Variants in CHST9 observed in about 807,000 individuals in gnomAD.
The protein encoded by CHST9 is GalNAc-4-sulfotransferase 2.
Under a neutral mutation model 44.4 loss-of-function variants are expected in CHST9, and 41 were observed. That is an observed-to-expected ratio of 0.92 (90% CI 0.72 to 1.20). CHST9 has a LOEUF of 1.20. Among genes scored for constraint, CHST9 ranks in the 50% most tolerant of loss-of-function variants. The pLI, the probability that CHST9 is intolerant of heterozygous loss-of-function variation, is 0.00. For missense variants in CHST9, 504 were observed against 516.5 expected, an observed-to-expected ratio of 0.98 and a Z score of 0.23; for synonymous variants, 171 against 178.4, an observed-to-expected ratio of 0.96 and a Z score of 0.33.
chr18:27,011,374 G>A (rs888745920), intron 4 of CHST9, among the ~76,000 whole-genome samples: 7 of 152,152 alleles, frequency 4.6e-5, no homozygotes, highest in Admixed American at 1.3e-4. Context: ...CCAATGCCCT[G>A]AGTGCAGGGC....
intron 3 of CHST9, among the ~76,000 whole-genome samples, chr18:27,030,284 G>A (rs114569265): frequency 6.6e-6 from 1 of 152,104 alleles, no homozygotes; most frequent in African/African-American, 2.4e-5. Context: ...GTTTTTAACC[G>A]ATCTGGTTAT....
At chr18:26,954,954 A>AAT (rs1176644194) in intron 4 of CHST9, among the ~76,000 whole-genome samples, 1 of 152,050 alleles carries the variant, frequency 6.6e-6, no homozygotes, top group African/African-American at 2.4e-5. Context: ...TAGAGTGTTC[A>AAT]ATATATATAT....
intron 5 of CHST9, chr18:26,933,844 A>G (rs968049996): frequency 3.9e-5 from 6 of 153,386 alleles, no homozygotes; most frequent in African/African-American, 1.4e-4. Context: ...TGCAAACACT[A>G]AAACAGTAAT....
chr18:27,004,577 T>G (rs1250617441), intron 4 of CHST9, among the ~76,000 whole-genome samples: 4 of 152,150 alleles, frequency 2.6e-5, no homozygotes, highest in Non-Finnish European at 5.9e-5. Context: ...TGCTACTAAT[T>G]GTTTTATTTC....
intron 4 of CHST9, among the ~76,000 whole-genome samples, chr18:27,019,744 A>G (rs1369652314): frequency 6.6e-6 from 1 of 151,376 alleles, no homozygotes; most frequent in Non-Finnish European, 1.5e-5. Flanking sequence ...ATGCCACTGT[A>G]CACCTTTCCC....
At chr18:27,160,969 T>A (rs1316954310) in intron 1 of CHST9, among the ~76,000 whole-genome samples, 1 of 152,212 alleles carries the variant, frequency 6.6e-6, no homozygotes, top group African/African-American at 2.4e-5. Flanking sequence ...CCCTTTATCA[T>A]TTTTTATTGC....
chr18:27,100,598 G>C (rs8099553), intron 2 of CHST9, among the ~76,000 whole-genome samples: 47,575 of 151,912 alleles, frequency 0.31, 7,802 homozygotes, highest in East Asian at 0.5. Context: ...TGTGTAAAAT[G>C]GTATTCAATT....
rs12606358 is a variant in CHST9 at position 27,166,287 on chromosome 18, T to C, written c.-97+18849A>G. Among the ~76,000 whole-genome samples the C allele has an allele frequency of 3.3e-4, 50 of 152,362 alleles. No homozygotes were observed. The East Asian group carries it at 8.7e-3, about 26-fold the overall frequency. ...CTTCTTAATTTGTCCAAATTTCTTA[T>C]GATCACAAACAGGGCTCTTCCTGAT... is the stretch of plus-strand genomic sequence containing the variant. On this transcript the variant is annotated intron_variant, in intron 1 of 5. Transcript: ENST00000618847.
At chr18:27,132,866 C>T (rs2058483548) in intron 2 of CHST9, among the ~76,000 whole-genome samples, 1 of 152,174 alleles carries the variant, frequency 6.6e-6, no homozygotes, top group Admixed American at 6.5e-5. Context: ...AACTCTGCTC[C>T]TTTCTTCCTG....
chr18:27,155,012 G>A (rs537986507), intron 1 of CHST9, among the ~76,000 whole-genome samples: 12 of 151,474 alleles, frequency 7.9e-5, no homozygotes, highest in African/African-American at 2.9e-4. Flanking sequence ...AGCCTGGGAG[G>A]TGGAGGTTGC....
At chr18:26,965,242 T>G (rs2056449822) in intron 4 of CHST9, among the ~76,000 whole-genome samples, 1 of 152,202 alleles carries the variant, frequency 6.6e-6, no homozygotes, top group African/African-American at 2.4e-5. Context: ...CTGTGCGGCC[T>G]GCAATGTGTT....
At chr18:26,995,949 A>G (rs1325898324) in intron 4 of CHST9, among the ~76,000 whole-genome samples, 1 of 152,250 alleles carries the variant, frequency 6.6e-6, no homozygotes, top group African/African-American at 2.4e-5. Flanking sequence ...TAAAAGTTCA[A>G]GAATTACAAA....
chr18:27,141,343 C>T (rs990608291), intron 2 of CHST9, among the ~76,000 whole-genome samples: 34 of 151,636 alleles, frequency 2.2e-4, no homozygotes, highest in Admixed American at 6.6e-4. Flanking sequence ...CCAGCCTAGG[C>T]GACTGAGCAA....
intron 1 of CHST9, among the ~76,000 whole-genome samples, chr18:27,161,458 G>A (rs2058746252): frequency 6.6e-6 from 1 of 152,156 alleles, no homozygotes. Flanking sequence ...TAGTTTGATT[G>A]CACTGTGGTC....
At chr18:27,128,261 C>CA (rs2058442007) in intron 2 of CHST9, among the ~76,000 whole-genome samples, 1 of 152,020 alleles carries the variant, frequency 6.6e-6, no homozygotes, top group African/African-American at 2.4e-5. Flanking sequence ...ATTCCAAAAT[C>CA]ATTTTTATTT....
chr18:26,916,633 C>T lies in CHST9; in HGVS notation c.958G>A (p.Glu320Lys). The part of the protein sequence containing the change: ...IKKYRPNACE[E>K]ALINGSGVKF... ...ACTCCAGATCCATTAATTAATGCTT[C>T]TTCACAGGCATTTGGTCGATATTTC... Residue 320 changes from glutamate (E) to lysine (K), a missense_variant, in exon 6 of 6, where the codon GAA becomes AAA. Coordinates refer to ENST00000618847, the MANE Select transcript of CHST9 (RefSeq NM_031422.6). The T allele has an allele frequency of 6.2e-7, 1 of 1,613,882 alleles. No homozygotes were observed. Among genetic ancestry groups the T allele is most frequent in the South Asian group, 1.1e-5 (1 of 91,076 alleles).
chr18:27,140,390 G>A lies in CHST9; in HGVS notation c.121+2299C>T, dbSNP rs116400769. 4.2e-3 allele frequency among the ~76,000 whole-genome samples: 634 copies of A among 152,268 alleles called. 4 individuals are homozygous for A. Among genetic ancestry groups the A allele is most frequent in the African/African-American group, 0.015 (615 of 41,552 alleles). ...CTCTCCATAAATGGTAGCTATTAAT[G>A]CTTATGGACACATTTGGTAAACTAC... is the stretch of plus-strand genomic sequence containing the variant. On this transcript the variant is annotated intron_variant, in intron 2 of 5. Transcript: ENST00000618847.
At chr18:26,947,637 C>T (rs2056184033) in intron 4 of CHST9, among the ~76,000 whole-genome samples, 2 of 152,248 alleles carry the variant, frequency 1.3e-5, no homozygotes, top group Non-Finnish European at 2.9e-5. Context: ...AGCCAACAAA[C>T]ATATGAAAAA....
At chr18:27,073,425 G>A (rs953574202) in intron 2 of CHST9, among the ~76,000 whole-genome samples, 4 of 151,238 alleles carry the variant, frequency 2.6e-5, no homozygotes, top group South Asian at 2.1e-4. Context: ...GGTGGGCAGC[G>A]CAGGTGCTGG....
Sources: allele counts gnomAD v4.1 joint callset (sites outside exome capture counted in the v4.1 genomes callset), GRCh38; gene constraint gnomAD v4.1.1; transcripts MANE v1.5; gene names NCBI Gene and HGNC (gene_info 2026-07-23, HGNC 2026-07-21).